ALOX12: variants seen among roughly 807,000 people sequenced by gnomAD.
ALOX12 encodes arachidonate 12-lipoxygenase, 12S type, also known as polyunsaturated fatty acid lipoxygenase ALOX12.
A neutral mutation model predicts 85.5 loss-of-function variants in ALOX12; 62 were observed. That is an observed-to-expected ratio of 0.73 (90% CI 0.59 to 0.90). The LOEUF (loss-of-function observed/expected upper bound fraction) is 0.90, where lower values mean the gene tolerates loss of function less well. Ranked by LOEUF, ALOX12 falls within the 40% of genes least tolerant of loss-of-function variation. The pLI, the probability that ALOX12 is intolerant of heterozygous loss-of-function variation, is 0.00. For synonymous variants in ALOX12, 299 were observed against 332.7 expected, an observed-to-expected ratio of 0.90 and a Z score of 1.10; for missense variants, 751 against 856.5, an observed-to-expected ratio of 0.88 and a Z score of 1.54.
In ALOX12 at chr17:7,010,567, G is replaced by A. The variant is rs1909343052; in HGVS notation, c.*144G>A. On this transcript the variant is annotated 3_prime_UTR_variant, in exon 14 of 14. Coordinates refer to ENST00000251535, the MANE Select transcript of ALOX12 (RefSeq NM_000697.3). ...AACCCCCTACATTAGTATCCCACTA[G>A]CCCAGGGGAGCAGTAAACTTTCTCT... 1.0e-6 allele frequency: 1 copy of A among 986,126 alleles called. No individual in the cohort carries two copies. Among genetic ancestry groups the A allele is most frequent in the Admixed American group, 3.0e-5 (1 of 33,220 alleles). 61.1% of individuals were successfully genotyped at this position (986,126 alleles called of 1,614,324 possible).
At chr17:6,997,125 T>A in intron 2 of ALOX12, 98 bp downstream of exon 2, 1 of 1,443,164 alleles carries the variant, frequency 6.9e-7, no homozygotes, top group Non-Finnish European at 9.1e-7. Context: ...ACTTAGAGGA[T>A]GTATGGGCCC....
rs200671464 is a variant in ALOX12 at position 7,006,521 on chromosome 17, G to A, written c.1454G>A (p.Arg485Lys). Residue 485 changes from arginine (R) to lysine (K), a missense_variant, in exon 11 of 14, where the codon AGG becomes AAG. By Grantham distance (26) the Arg-to-Lys change is conservative. Transcript: ENST00000251535. ...GGGATCGTCCACCTCTTCTACCAAA[G>A]GGATGACATAGTGAAGGGGGACCCT... ...VEGIVHLFYQ[R>K]DDIVKGDPEL... The A allele has an allele frequency of 4.3e-6, 7 of 1,613,856 alleles. No individual in the cohort carries two copies. In the Admixed American group the frequency reaches 8.3e-5, roughly 19 times the overall value.
At chr17:7,003,238 G>T (rs758098189) in intron 8 of ALOX12, among the ~76,000 whole-genome samples, 3 of 152,162 alleles carry the variant, frequency 2.0e-5, no homozygotes, top group African/African-American at 7.2e-5. Context: ...ATGCACACAA[G>T]GGTCAAGCCT....
chr17:6,998,918 T>G, intron 4 of ALOX12, 35 bp from the exon 5 acceptor site: 1 of 1,613,914 alleles, frequency 6.2e-7, no homozygotes, highest in Admixed American at 1.7e-5. Flanking sequence ...GACTGAGGGA[T>G]CAGCTGATGA....
chr17:7,005,166 G>A, intron 8 of ALOX12, 91 bp from the exon 9 acceptor site: 1 of 1,109,158 alleles, frequency 9.0e-7, no homozygotes, highest in Non-Finnish European at 1.4e-6. Context: ...AGCATCAAGA[G>A]GAGAAGGCGC....
chr17:6,996,721 T>C, intron 1 of ALOX12, 105 bp from the exon 2 acceptor site: 2 of 1,360,126 alleles, frequency 1.5e-6, no homozygotes, highest in Non-Finnish European at 2.0e-6. Context: ...ATGCTGTCTT[T>C]GGAGGCCCTG....
intron 5 of ALOX12, 103 bp downstream of exon 5, chr17:6,999,159 A>T: frequency 6.8e-7 from 1 of 1,476,784 alleles, no homozygotes; most frequent in Non-Finnish European, 9.3e-7. Flanking sequence ...AGACCTTATC[A>T]TATCTGGTCA....
intron 8 of ALOX12, among the ~76,000 whole-genome samples, chr17:7,003,814 G>A (rs917220621): frequency 2.0e-5 from 3 of 151,978 alleles, no homozygotes; most frequent in Non-Finnish European, 2.9e-5. Context: ...GTGACATTTG[G>A]CATCTTTCAT....
intron 8 of ALOX12, among the ~76,000 whole-genome samples, chr17:7,003,738 A>G (rs975605171): frequency 6.6e-6 from 1 of 152,098 alleles, no homozygotes; most frequent in Non-Finnish European, 1.5e-5. Flanking sequence ...AGTTCTTGCA[A>G]TTATTATTAT....
chr17:7,002,494 T>C, intron 8 of ALOX12: 1 of 469,156 alleles, frequency 2.1e-6, no homozygotes, highest in South Asian at 1.6e-5. Flanking sequence ...CTAGAAATAC[T>C]GTGGTTTTAA....
chr17:7,003,647 C>CA (rs1908822489), intron 8 of ALOX12, among the ~76,000 whole-genome samples: 1 of 152,116 alleles, frequency 6.6e-6, no homozygotes. Flanking sequence ...AAGCTAGTCT[C>CA]AAATTCCTGG....
chr17:7,000,426 C>G lies in ALOX12; in HGVS notation c.898C>G (p.Leu300Val), dbSNP rs778734947. 4 of 1,614,034 alleles carry G rather than the reference C, an allele frequency of 2.5e-6. No individual in the cohort carries two copies. Among genetic ancestry groups the G allele is most frequent in the East Asian group, 2.2e-5 (1 of 44,896 alleles). ...RGEKQYLAAP[L>V]VMLKMEPNGK... ...AGAGAAGCAATACCTGGCTGCCCCC[C>G]TCGTTATGCTGAAGATGGAGCCCAA... is the stretch of plus-strand genomic sequence containing the variant. The change falls in exon 7 of 14, where the codon CTC becomes GTC. Residue 300 changes from leucine to valine, a missense_variant. Transcript: ENST00000251535. The surrounding 1 kb of genome is among the most constrained non-coding windows in gnomAD (Gnocchi z 4.6).
In ALOX12 at chr17:7,010,390, G is replaced by T. The variant is rs748644723; in HGVS notation, c.1959G>T (p.Lys653Asn). Residue 653 changes from lysine to asparagine, a missense_variant, in exon 14 of 14, where the codon AAG (lysine) becomes AAT (asparagine). Physicochemically the swap from Lys to Asn is moderately conservative, Grantham distance 94. Coordinates refer to ENST00000251535, the MANE Select transcript of ALOX12 (RefSeq NM_000697.3). ...EQLDWPYEYL[K>N]PSCIENSVTI Reference sequence around the variant, plus strand: ...TTGACTGGCCCTATGAATATCTGAAGCCCAGCTGCATAGAGAACAGTGTCA... The same window carrying T: ...TTGACTGGCCCTATGAATATCTGAATCCCAGCTGCATAGAGAACAGTGTCA... 6.2e-7 allele frequency: 1 copy of T among 1,613,736 alleles called. No individual in the cohort carries two copies. Among genetic ancestry groups the T allele is most frequent in the Non-Finnish European group, 8.5e-7 (1 of 1,179,648 alleles).
In ALOX12 at chr17:7,005,327, G is replaced by C; in HGVS notation, c.1232G>C (p.Gly411Ala). 1 of 1,613,444 alleles carries C rather than the reference G, an allele frequency of 6.2e-7. No homozygotes were observed. The highest frequency in any genetic ancestry group is 8.5e-7 in the Non-Finnish European group (1 of 1,179,460). ...TRARTQLISD[G>A]GIFDKAVSTG... Reference sequence around the variant, plus strand: ...GCCCGGACCCAACTCATCTCAGATGGAGGAATTTTTGATAAGGTGAGGAGG... The same window carrying C: ...GCCCGGACCCAACTCATCTCAGATGCAGGAATTTTTGATAAGGTGAGGAGG... The change falls in exon 9 of 14, where the codon GGA becomes GCA. Residue 411 changes from glycine (G) to alanine (A), a missense_variant. Transcript: ENST00000251535.
At position 7,009,885 on chromosome 17, in the gene ALOX12, G is replaced by A. The variant is rs370129652; in HGVS notation, c.1641+38G>A. The A allele has an allele frequency of 2.8e-5, 45 of 1,613,818 alleles. No individual in the cohort carries two copies. The African/African-American group carries it at 3.9e-4, about 14-fold the overall frequency. On this transcript the variant is annotated intron_variant, in intron 12 of 13. Coordinates refer to ENST00000251535, the MANE Select transcript of ALOX12 (RefSeq NM_000697.3). ...GAAAGCCCAGGTCCCTGAAGGCAAGGTGACCTGAGGGAGAGATGGGAGTTC... is the reference window on the plus strand; with the variant it reads ...GAAAGCCCAGGTCCCTGAAGGCAAGATGACCTGAGGGAGAGATGGGAGTTC...
In ALOX12 at chr17:7,001,655, C is replaced by G; in HGVS notation, c.1005C>G (p.Asp335Glu). Residue 335 changes from aspartate to glutamate, a missense_variant, in exon 8 of 14, where the codon GAC (aspartate) becomes GAG (glutamate). Transcript: ENST00000251535. ...SPTPTLFLPS[D>E]PPLAWLLAKS... ...CCCCAACACTGTTCCTGCCCTCAGA[C>G]CCCCCACTTGCCTGGCTCCTGGCAA... The G allele has an allele frequency of 1.2e-6, 2 of 1,614,166 alleles. No individual in the cohort carries two copies. Among genetic ancestry groups the G allele is most frequent in the Non-Finnish European group, 8.5e-7 (1 of 1,180,004 alleles).
intron 2 of ALOX12, among the ~76,000 whole-genome samples, chr17:6,997,801 C>T (rs548595447): frequency 1.3e-5 from 2 of 152,048 alleles, no homozygotes; most frequent in South Asian, 4.1e-4. Context: ...ACCTCGTGAT[C>T]CGCCCTCCTT....
In ALOX12 at chr17:6,999,458, GA is replaced by G; in HGVS notation, c.801del (p.Glu267AspfsTer22). On this transcript the variant is annotated frameshift_variant, in exon 6 of 14. Coordinates refer to ENST00000251535, the MANE Select transcript of ALOX12 (RefSeq NM_000697.3). LOFTEE classifies it high-confidence loss of function. ...MEELQAQLEK[E>X]LQNGSLFEAD... Reference sequence around the variant, plus strand: ...AGAGCTTCAGGCTCAACTGGAGAAAGAACTTCAGGTACCTCTCCTTCCCCTG... The same window carrying G: ...AGAGCTTCAGGCTCAACTGGAGAAAGACTTCAGGTACCTCTCCTTCCCCTG... 1 of 1,614,066 alleles carries G rather than the reference GA, an allele frequency of 6.2e-7. No individual in the cohort carries two copies. The highest frequency in any genetic ancestry group is 8.5e-7 in the Non-Finnish European group (1 of 1,179,952).
chr17:7,000,348 T>C lies in ALOX12; in HGVS notation c.820T>C (p.Phe274Leu). ...LEKELQNGSL[F>L]EADFILLDGI... The stretch of plus-strand genomic sequence containing the variant: ...CTCCTGTCCCCAGAATGGTTCCCTG[T>C]TTGAAGCTGACTTCATCCTTCTGGA... Residue 274 changes from phenylalanine to leucine, a missense_variant, in exon 7 of 14, where the codon TTT becomes CTT. Phe to Leu is a conservative substitution (Grantham distance 22). Coordinates refer to ENST00000251535, the MANE Select transcript of ALOX12 (RefSeq NM_000697.3). This position sits in a 1 kb window ranked among gnomAD's most constrained non-coding sequence, Gnocchi z 4.6. 1.2e-6 allele frequency: 2 copies of C among 1,614,156 alleles called. No homozygotes were observed. Among genetic ancestry groups the C allele is most frequent in the Non-Finnish European group, 8.5e-7 (1 of 1,180,020 alleles).
Sources: allele counts gnomAD v4.1 joint callset (sites outside exome capture counted in the v4.1 genomes callset), GRCh38; gene constraint gnomAD v4.1.1; non-coding constraint Gnocchi (gnomAD v3.1); transcripts MANE v1.5; gene names NCBI Gene and HGNC (gene_info 2026-07-23, HGNC 2026-07-21).